THBS1: variants seen among roughly 807,000 people sequenced by gnomAD.
THBS1 encodes thrombospondin 1.
THBS1 carries 29 observed loss-of-function variants against 126.1 expected under a neutral mutation model. The observed-to-expected ratio is 0.23, with a 90% CI of 0.17 to 0.31. The LOEUF (loss-of-function observed/expected upper bound fraction) is 0.31, where lower values mean the gene tolerates loss of function less well. THBS1 is among the 10% of genes least tolerant of loss of function. THBS1 has a pLI of 1.00. For missense variants in THBS1, 1,198 were observed against 1,545.2 expected (o/e 0.78, Z 3.77); for synonymous variants, 496 against 577.8 (o/e 0.86, Z 2.03).
rs139530973 is a variant in THBS1, at chr15:39,584,380, C to T, written c.984C>T (p.Asn328=). ...ACAACGGAGTTCAGTACAGAAATAA[C>T]GAGGAATGGACTGTTGATAGCTGCA... The part of the protein sequence containing the change: ...CYHNGVQYRN[N]EEWTVDSCTE... The change falls in exon 6 of 22, where the codon AAC becomes AAT. Residue 328 remains asparagine, a synonymous_variant. Coordinates refer to ENST00000260356, the MANE Select transcript of THBS1 (RefSeq NM_003246.4). The T allele has an allele frequency of 5.2e-4, 840 of 1,614,144 alleles. 4 individuals carry two copies. The highest frequency in any genetic ancestry group is 3.8e-4 in the Admixed American group (23 of 60,024).
intron 1 of THBS1, 190 bp from the exon 2 acceptor site, chr15:39,581,639 C>CTCTCT: frequency 2.7e-6 from 1 of 363,912 alleles, no homozygotes. Flanking sequence ...CTTTCCTCCA[C>CTCTCT]CTCTCTCTCT....
At chr15:39,595,190 C>T (rs1185642610) in intron 21 of THBS1, among the ~76,000 whole-genome samples, 172 bp from the exon 22 acceptor site, 5 of 152,210 alleles carry the variant, frequency 3.3e-5, no homozygotes, top group Admixed American at 3.3e-4. Context: ...CTCCTAGCAT[C>T]AATGTCAGCT....
Position 39,599,160 on chromosome 15 carries a change from C to T in THBS1, c.*3791C>T, listed in dbSNP as rs941256944. 6.6e-5 allele frequency: 10 copies of T among 152,040 alleles called. No homozygotes were observed. The highest frequency in any genetic ancestry group is 2.2e-4 in the African/African-American group (9 of 41,398). 9.4% of individuals were successfully genotyped at this position (152,040 alleles called of 1,614,324 possible). A position where few individuals can be genotyped will look rare whatever the true frequency, so the allele number is the denominator to read the frequency against. On this transcript the variant is annotated 3_prime_UTR_variant, in exon 22 of 22. Transcript: ENST00000260356. ...CAAACACTAAGCCCTAAAGGGAAATCCAAAATAAAAACATCTATTTTTAAT... is the reference window on the plus strand; with the variant it reads ...CAAACACTAAGCCCTAAAGGGAAATTCAAAATAAAAACATCTATTTTTAAT...
rs1251474675 is a variant in THBS1, at chr15:39,596,343, T to G, written c.*974T>G. On this transcript the variant is annotated 3_prime_UTR_variant, in exon 22 of 22. Coordinates refer to ENST00000260356, the MANE Select transcript of THBS1 (RefSeq NM_003246.4). ...ATTATCATGGAGTTTTCTAATTCTC[T>G]CTTTTGGAATGTAGATTTTTTTTAA... The G allele has an allele frequency of 6.5e-6, 1 of 153,954 alleles. No homozygotes were observed. The highest frequency in any genetic ancestry group is 1.4e-5 in the Non-Finnish European group (1 of 69,200). The allele number at this position is 153,954 out of a possible 1,614,324, so 9.5% of individuals were successfully genotyped here. A position where few individuals can be genotyped will look rare whatever the true frequency, so the allele number is the denominator to read the frequency against.
rs1027225020 is a variant in THBS1 at position 39,593,055 on chromosome 15, C to T, written c.2823C>T (p.Asp941=). The change falls in exon 18 of 22, where the codon GAC becomes GAT. Residue 941 remains aspartate (D), a synonymous_variant. Coordinates refer to ENST00000260356, the MANE Select transcript of THBS1 (RefSeq NM_003246.4). This position sits in a 1 kb window ranked among gnomAD's most constrained non-coding sequence, Gnocchi z 5.9. ...KDDFDHDSVP[D]IDDICPENVD... is the part of the protein sequence containing the mutation. Reference sequence around the variant, plus strand: ...ATTTTGACCATGACAGTGTGCCAGACATCGATGACATCTGTCCTGAGAATG... The same window carrying T: ...ATTTTGACCATGACAGTGTGCCAGATATCGATGACATCTGTCCTGAGAATG... 5.0e-6 allele frequency: 8 copies of T among 1,607,610 alleles called. No individual in the cohort carries two copies. In the African/African-American group the frequency reaches 1.1e-4, roughly 22 times the overall value.
chr15:39,585,977 T>G (rs931559817), intron 7 of THBS1, among the ~76,000 whole-genome samples: 4 of 152,186 alleles, frequency 2.6e-5, no homozygotes, highest in African/African-American at 4.8e-5. Context: ...GCCTGGAAGT[T>G]TTGCCCCTTT....
chr15:39,582,804 G>A (rs752942374), intron 3 of THBS1, 52 bp downstream of exon 3: 3 of 1,536,266 alleles, frequency 2.0e-6, no homozygotes, highest in African/African-American at 2.7e-5. Context: ...CTAGACAGGT[G>A]ACCTGCCAGG....
At chr15:39,587,193 A>G (rs57557065) in intron 7 of THBS1, 154 bp from the exon 8 acceptor site, 23 of 630,162 alleles carry the variant, frequency 3.6e-5, no homozygotes, top group Middle Eastern at 3.3e-4. Flanking sequence ...CCTTAAATGT[A>G]TATAATATTT....
At position 39,595,328 on chromosome 15, in the gene THBS1, T is replaced by A. The variant is rs201927779; in HGVS notation, c.3506-34T>A. ...CTATGCTTTTATGAATTAGTTTTCA[T>A]TTGTATATTTATTTATATTTGTTTA... On this transcript the variant is annotated intron_variant, in intron 21 of 21. Coordinates refer to ENST00000260356, the MANE Select transcript of THBS1 (RefSeq NM_003246.4). 1,709 of 1,320,294 alleles carry A rather than the reference T, an allele frequency of 1.3e-3. 4 individuals are homozygous for A. The highest frequency in any genetic ancestry group is 2.8e-3 in the Middle Eastern group (14 of 5,032). The allele number at this position is 1,320,294 out of a possible 1,614,324, so 81.8% of individuals were successfully genotyped here.
rs573907873 is a variant in THBS1, at chr15:39,581,882, G to A, written c.25G>A (p.Val9Ile). 1.9e-6 allele frequency: 3 copies of A among 1,614,092 alleles called. No individual in the cohort carries two copies. Among genetic ancestry groups the A allele is most frequent in the Admixed American group, 1.7e-5 (1 of 60,020 alleles). ...CATGGGGCTGGCCTGGGGACTAGGC[G>A]TCCTGTTCCTGATGCATGTGTGTGG... MGLAWGLG[V>I]LFLMHVCGTN... Residue 9 changes from valine to isoleucine, a missense_variant, in exon 2 of 22, where the codon GTC becomes ATC. Physicochemically the swap from Val to Ile is conservative, Grantham distance 29 (BLOSUM62 3). This residue lies in a region of THBS1 where 271 missense variants were observed against 277.0 expected (regional missense o/e 0.98). Coordinates refer to ENST00000260356, the MANE Select transcript of THBS1 (RefSeq NM_003246.4).
At chr15:39,587,262 C>CA (rs1890225068) in intron 7 of THBS1, 85 bp from the exon 8 acceptor site, 2 of 1,361,006 alleles carry the variant, frequency 1.5e-6, no homozygotes, top group African/African-American at 2.9e-5. Flanking sequence ...CACCCTCTGG[C>CA]AAGTGGAGGG....
chr15:39,583,427 C>T (rs777076560), intron 3 of THBS1, among the ~76,000 whole-genome samples, 190 bp from the exon 4 acceptor site: 11 of 152,200 alleles, frequency 7.2e-5, no homozygotes, highest in Non-Finnish European at 1.3e-4. Flanking sequence ...TGGCAGAAGT[C>T]ACAATTAAGA....
At chr15:39,583,953 T>C (rs1595506895) in intron 4 of THBS1, 35 bp from the exon 5 acceptor site, 11 of 1,609,350 alleles carry the variant, frequency 6.8e-6, no homozygotes, top group Non-Finnish European at 9.3e-6. Flanking sequence ...TTGGTAAGAG[T>C]ATCTATTTGA....
intron 2 of THBS1, 84 bp from the exon 3 acceptor site, chr15:39,582,109 C>A: frequency 6.8e-7 from 1 of 1,467,786 alleles, no homozygotes; most frequent in East Asian, 2.3e-5. Context: ...CACCCCAACC[C>A]TTTGTCTCCA....
At position 39,581,867 on chromosome 15, in the gene THBS1, G is replaced by T. The variant is rs1385779748; in HGVS notation, c.10G>T (p.Ala4Ser). The change falls in exon 2 of 22, where the codon GCC becomes TCC. Residue 4 changes from alanine to serine, a missense_variant. This residue lies in a region of THBS1 where 271 missense variants were observed against 277.0 expected (regional missense o/e 0.98). Coordinates refer to ENST00000260356, the MANE Select transcript of THBS1 (RefSeq NM_003246.4). ...CACCAACAGCTCCACCATGGGGCTG[G>T]CCTGGGGACTAGGCGTCCTGTTCCT... MGL[A>S]WGLGVLFLMH... is the part of the protein sequence containing the mutation. The T allele has an allele frequency of 2.5e-6, 4 of 1,614,080 alleles. No homozygotes were observed. In the South Asian group the frequency reaches 3.3e-5, roughly 13 times the overall value.
At position 39,590,088 on chromosome 15, in the gene THBS1, A is replaced by C. The variant is rs60432814; in HGVS notation, c.2145+65A>C. 6.0e-4 allele frequency: 817 copies of C among 1,362,030 alleles called. 1 individual carries two copies. The African/African-American group carries it at 9.1e-3, about 15-fold the overall frequency. The allele number at this position is 1,362,030 out of a possible 1,614,324, so 84.4% of individuals were successfully genotyped here. ...CATCACCTTATCAAAACACAGGCTAAGGAATTTTAAATACTTAAAGTTTGG... is the reference window on the plus strand; with the variant it reads ...CATCACCTTATCAAAACACAGGCTACGGAATTTTAAATACTTAAAGTTTGG... On this transcript the variant is annotated intron_variant, in intron 13 of 21. Transcript: ENST00000260356.
At chr15:39,588,349 C>T in intron 9 of THBS1, 131 bp downstream of exon 9, 2 of 1,304,416 alleles carry the variant, frequency 1.5e-6, no homozygotes, top group Non-Finnish European at 2.1e-6. Context: ...CAAACAGAAG[C>T]AAAGTCCTGC....
chr15:39,591,470 G>C, intron 15 of THBS1, 35 bp from the exon 16 acceptor site: 15 of 1,612,944 alleles, frequency 9.3e-6, no homozygotes, highest in Non-Finnish European at 1.3e-5. Flanking sequence ...CAAGGCTGGA[G>C]AGCCCAGCTC....
rs879801079 is a variant in THBS1 at position 39,597,275 on chromosome 15, G to GTTTTTTTTT, written c.*1910_*1911insTTTTTTTTT. 6 of 52,594 alleles carry GTTTTTTTTT rather than the reference G, an allele frequency of 1.1e-4. No individual in the cohort carries two copies. The highest frequency in any genetic ancestry group is 2.4e-4 in the Non-Finnish European group (6 of 24,780). The allele number at this position is 52,594 out of a possible 1,614,324, so 3.3% of individuals were successfully genotyped here. A position where few individuals can be genotyped will look rare whatever the true frequency, so the allele number is the denominator to read the frequency against. On this transcript the variant is annotated 3_prime_UTR_variant, in exon 22 of 22. Transcript: ENST00000260356. ...GAATTGTTGGTTTTTTCTTTTTTTT[G>GTTTTTTTTT]TTTTGTTTTTTTTTTTTTTTTTTTT... is the stretch of plus-strand genomic sequence containing the variant.
Sources: gnomAD v4.1 joint callset for allele counts (sites outside exome capture counted in the v4.1 genomes callset) on GRCh38, gnomAD v4.1.1 for gene constraint, gnomAD v4.1.1 regional missense constraint, Gnocchi (gnomAD v3.1) non-coding constraint, MANE v1.5 for transcripts, NCBI Gene and HGNC (gene_info 2026-07-23, HGNC 2026-07-21) for gene names.